SLC25A13: variants seen among roughly 807,000 people sequenced by gnomAD.
SLC25A13 encodes the protein solute carrier family 25 member 13, also known as electrogenic aspartate/glutamate antiporter SLC25A13, mitochondrial.
Under a neutral mutation model 85.5 loss-of-function variants are expected in SLC25A13, and 70 were observed. The ratio of observed to expected loss-of-function variants is 0.82; its 90% CI spans 0.68 to 1.00. The LOEUF is 1.00. Among genes scored for constraint, SLC25A13 ranks in the 50% least tolerant of loss-of-function variants. The pLI is 0.00. For synonymous variants in SLC25A13, 259 were observed against 288.7 expected, an observed-to-expected ratio of 0.90 and a Z score of 1.04; for missense variants, 765 against 819.8, an observed-to-expected ratio of 0.93 and a Z score of 0.82.
In SLC25A13 at chr7:96,135,843, C is replaced by T. The variant is rs888698399; in HGVS notation, c.1453-3962G>A. On this transcript the variant is annotated intron_variant, in intron 14 of 17. Coordinates refer to ENST00000265631, the MANE Select transcript of SLC25A13 (RefSeq NM_014251.3). ...TTCCTGCCATATAAGAAAATCCCCACATTTTCCTGCTTTGGTTTTTTTTTT... is the reference window on the plus strand; with the variant it reads ...TTCCTGCCATATAAGAAAATCCCCATATTTTCCTGCTTTGGTTTTTTTTTT... Among the ~76,000 whole-genome samples the T allele has an allele frequency of 5.4e-5, 8 of 147,794 alleles. No individual in the cohort carries two copies. In the East Asian group the frequency reaches 1.0e-3, roughly 18 times the overall value.
chr7:96,173,754 G>A (rs1794103495), intron 11 of SLC25A13, among the ~76,000 whole-genome samples: 1 of 152,096 alleles, frequency 6.6e-6, no homozygotes, highest in Non-Finnish European at 1.5e-5. Context: ...TAACATCTAA[G>A]CCTGCTTCAT....
intron 13 of SLC25A13, among the ~76,000 whole-genome samples, chr7:96,155,383 T>C (rs188283131): frequency 1.1e-3 from 171 of 152,296 alleles, no homozygotes; most frequent in African/African-American, 3.9e-3. Flanking sequence ...ACCCCAATTA[T>C]TTTTTCCTCC....
chr7:96,175,025 T>C (rs1794164546), intron 11 of SLC25A13, among the ~76,000 whole-genome samples: 1 of 152,180 alleles, frequency 6.6e-6, no homozygotes, highest in Non-Finnish European at 1.5e-5. Flanking sequence ...ACGCTAGTTG[T>C]CTCCACCTGC....
At chr7:96,290,597 G>GAAA (rs756252652) in intron 2 of SLC25A13, among the ~76,000 whole-genome samples, 2 of 96,462 alleles carry the variant, frequency 2.1e-5, no homozygotes, top group Admixed American at 2.2e-4. Context: ...CAAGCAAATG[G>GAAA]AAAAAAAAAA....
chr7:96,314,574 T>C (rs1338517581), intron 1 of SLC25A13, among the ~76,000 whole-genome samples: 1 of 152,096 alleles, frequency 6.6e-6, no homozygotes, highest in East Asian at 1.9e-4. Context: ...CACAGAGTCT[T>C]ATGAGGAAAT....
In SLC25A13 at chr7:96,321,994, A is replaced by G. The variant is rs886954959; in HGVS notation, c.-38T>C. On this transcript the variant is annotated 5_prime_UTR_variant, in exon 1 of 18. Coordinates refer to ENST00000265631, the MANE Select transcript of SLC25A13 (RefSeq NM_014251.3). ...TTGCGGGCGACTGCGGGACCCACTGACTGGCTGGCTGGCGTTTGGGACCCG... is the reference window on the plus strand; with the variant it reads ...TTGCGGGCGACTGCGGGACCCACTGGCTGGCTGGCTGGCGTTTGGGACCCG... 12 of 1,535,238 alleles carry G rather than the reference A, an allele frequency of 7.8e-6. No individual in the cohort carries two copies. The highest frequency in any genetic ancestry group is 4.3e-5 in the African/African-American group (3 of 70,194).
chr7:96,268,045 C>G (rs537445548), intron 3 of SLC25A13, among the ~76,000 whole-genome samples: 2 of 152,146 alleles, frequency 1.3e-5, no homozygotes, highest in Non-Finnish European at 1.5e-5. Context: ...AGCAAGCCAA[C>G]TGGATCCCTG....
intron 3 of SLC25A13, among the ~76,000 whole-genome samples, chr7:96,266,538 C>T (rs74939065): frequency 2.8e-3 from 433 of 152,164 alleles, no homozygotes; most frequent in African/African-American, 9.5e-3. Flanking sequence ...GGAGGAGGAG[C>T]GCTATCTGTA....
intron 11 of SLC25A13, among the ~76,000 whole-genome samples, chr7:96,172,597 C>T (rs114609985): frequency 1.7e-3 from 262 of 152,136 alleles, no homozygotes; most frequent in African/African-American, 6.1e-3. Flanking sequence ...ACCTAACAGT[C>T]AGTTCATGGG....
intron 5 of SLC25A13, among the ~76,000 whole-genome samples, chr7:96,196,838 C>T (rs1400100081): frequency 6.6e-6 from 1 of 152,158 alleles, no homozygotes; most frequent in East Asian, 1.9e-4. Flanking sequence ...CTGTTTATGT[C>T]GTGACTGTTT....
intron 3 of SLC25A13, among the ~76,000 whole-genome samples, chr7:96,258,278 ATC>A (rs1461679446): frequency 2.6e-5 from 4 of 152,122 alleles, no homozygotes; most frequent in South Asian, 4.1e-4. Context: ...AAGTCAAATG[ATC>A]TCTGTTTGCA....
chr7:96,121,860 C>A lies in SLC25A13; in HGVS notation c.1729G>T (p.Ala577Ser). 1.2e-6 allele frequency: 2 copies of A among 1,614,188 alleles called. No individual in the cohort carries two copies. ...RKILREEGPK[A>S]LWKGAGARVF... Reference sequence around the variant, plus strand: ...ATACCACCAGCTCCCTTCCACAGAGCTTTTGGTCCTTCTTCACGCAGTATC... The same window carrying A: ...ATACCACCAGCTCCCTTCCACAGAGATTTTGGTCCTTCTTCACGCAGTATC... Residue 577 changes from alanine (A) to serine (S), a missense_variant, in exon 16 of 18, where the codon GCT becomes TCT. Physicochemically the swap from Ala to Ser is moderately conservative, Grantham distance 99. Transcript: ENST00000265631.
At chr7:96,139,672 A>G (rs1364719689) in intron 14 of SLC25A13, among the ~76,000 whole-genome samples, 1 of 152,214 alleles carries the variant, frequency 6.6e-6, no homozygotes, top group African/African-American at 2.4e-5. Context: ...TCTCTCATAC[A>G]TCAAGAATAT....
chr7:96,183,214 G>A (rs1475816582), intron 11 of SLC25A13, among the ~76,000 whole-genome samples: 1 of 152,194 alleles, frequency 6.6e-6, no homozygotes, highest in Admixed American at 6.5e-5. Flanking sequence ...TACACAATAG[G>A]ACCTGCAAAA....
chr7:96,160,013 G>A (rs576534813), intron 13 of SLC25A13, among the ~76,000 whole-genome samples: 10 of 152,310 alleles, frequency 6.6e-5, no homozygotes, highest in African/African-American at 9.6e-5. Context: ...TTACAGGCCT[G>A]TCAAATATGT....
At chr7:96,216,822 A>G (rs1392164273) in intron 4 of SLC25A13, among the ~76,000 whole-genome samples, 1 of 152,170 alleles carries the variant, frequency 6.6e-6, no homozygotes, top group Non-Finnish European at 1.5e-5. Flanking sequence ...GAGTGATGAA[A>G]TAATTTGTAC....
chr7:96,186,839 G>A (rs1400057518), intron 9 of SLC25A13, among the ~76,000 whole-genome samples: 3 of 151,850 alleles, frequency 2.0e-5, no homozygotes, highest in Non-Finnish European at 4.4e-5. Context: ...ACAAAATGAT[G>A]TCACTTTTTA....
intron 2 of SLC25A13, 81 bp from the exon 3 acceptor site, chr7:96,277,419 T>A (rs552983041): frequency 2.9e-4 from 389 of 1,340,496 alleles, no homozygotes; most frequent in Non-Finnish European, 4.0e-4. Context: ...TGTGAAAAAG[T>A]TGAAAATATC....
intron 15 of SLC25A13, 134 bp from the exon 16 acceptor site, chr7:96,122,131 A>T (rs1228357588): frequency 2.6e-6 from 3 of 1,144,542 alleles, no homozygotes; most frequent in Non-Finnish European, 3.8e-6. Context: ...GCTGTCCTCT[A>T]TGGGAAATGC....
Sources: allele counts gnomAD v4.1 joint callset (sites outside exome capture counted in the v4.1 genomes callset), GRCh38; gene constraint gnomAD v4.1.1; transcripts MANE v1.5; gene names NCBI Gene and HGNC (gene_info 2026-07-23, HGNC 2026-07-21).